The following SGCZ variants were observed in gnomAD, a reference collection of about 807,000 sequenced individuals.
SGCZ encodes the protein zeta-sarcoglycan.
A neutral mutation model predicts 41.3 loss-of-function variants in SGCZ; 40 were observed. The observed-to-expected ratio is 0.97, with a 90% CI of 0.75 to 1.26. The LOEUF (loss-of-function observed/expected upper bound fraction) is 1.26. Ranked by LOEUF, SGCZ falls within the 50% of genes most tolerant of loss-of-function variation. SGCZ has a pLI of 0.00. For missense variants in SGCZ, 552 were observed against 369.8 expected (o/e 1.49, Z -4.04); for synonymous variants, 206 against 137.5 (o/e 1.50, Z -3.49).
At chr8:14,502,538 A>T (rs1802183692) in intron 2 of SGCZ, among the ~76,000 whole-genome samples, 1 of 152,130 alleles carries the variant, frequency 6.6e-6, no homozygotes, top group African/African-American at 2.4e-5. Flanking sequence ...ATAGTGAGAA[A>T]ATTTTTGCGA....
intron 3 of SGCZ, among the ~76,000 whole-genome samples, chr8:14,261,267 T>C (rs534433588): frequency 6.6e-6 from 1 of 152,310 alleles, no homozygotes; most frequent in Admixed American, 6.5e-5. Context: ...AATATTTTAA[T>C]CATAATTTTT....
chr8:14,762,306 A>G (rs1799910200), intron 1 of SGCZ, among the ~76,000 whole-genome samples: 1 of 152,204 alleles, frequency 6.6e-6, no homozygotes. Flanking sequence ...TCTACAGAGT[A>G]GTCCATTACA....
rs1804594679 is a variant in SGCZ, at chr8:14,572,798, C to A, written c.40-17872G>T. ...TACTCAACAAGCTCCAAAAATTTAACACACTCAAAGTCCCACAAATGAATA... is the reference window on the plus strand; with the variant it reads ...TACTCAACAAGCTCCAAAAATTTAAAACACTCAAAGTCCCACAAATGAATA... On this transcript the variant is annotated intron_variant, in intron 1 of 7. Transcript: ENST00000382080. 1.3e-5 allele frequency among the ~76,000 whole-genome samples: 2 copies of A among 152,120 alleles called. 1 individual carries two copies. Among genetic ancestry groups the A allele is most frequent in the South Asian group, 4.1e-4 (2 of 4,828 alleles).
chr8:14,430,871 A>T (rs533124321), intron 2 of SGCZ, among the ~76,000 whole-genome samples: 1 of 152,262 alleles, frequency 6.6e-6, no homozygotes, highest in African/African-American at 2.4e-5. Context: ...ATTAATGTAC[A>T]CAAATCAGTA....
chr8:14,116,310 T>C (rs1265775930), intron 5 of SGCZ, among the ~76,000 whole-genome samples: 1 of 152,100 alleles, frequency 6.6e-6, no homozygotes, highest in Non-Finnish European at 1.5e-5. Context: ...TTTTTTAACA[T>C]AGTGTCTCAT....
chr8:14,673,738 A>T (rs1381593486), intron 1 of SGCZ, among the ~76,000 whole-genome samples: 1 of 152,218 alleles, frequency 6.6e-6, no homozygotes, highest in Non-Finnish European at 1.5e-5. Flanking sequence ...AAATTAATGT[A>T]CAGATGAACA....
At chr8:14,219,087 C>T (rs1279012667) in intron 4 of SGCZ, among the ~76,000 whole-genome samples, 1 of 152,206 alleles carries the variant, frequency 6.6e-6, no homozygotes, top group East Asian at 1.9e-4. Context: ...TTTTGAAGTG[C>T]CCTCTTACTC....
At chr8:14,134,426 G>A (rs140754437) in intron 5 of SGCZ, among the ~76,000 whole-genome samples, 37 of 152,274 alleles carry the variant, frequency 2.4e-4, no homozygotes, top group African/African-American at 8.4e-4. Flanking sequence ...TGACAGGTAT[G>A]AATGAAAGTG....
chr8:14,790,584 ATAAC>A (rs1463782742), intron 1 of SGCZ, among the ~76,000 whole-genome samples: 4 of 152,310 alleles, frequency 2.6e-5, no homozygotes, highest in South Asian at 2.1e-4. Flanking sequence ...CTACATATAA[ATAAC>A]TAAGAATTAA....
At chr8:15,092,141 G>C (rs1422141075) in intron 1 of SGCZ, among the ~76,000 whole-genome samples, 1 of 152,120 alleles carries the variant, frequency 6.6e-6, no homozygotes, top group East Asian at 1.9e-4. Flanking sequence ...TGAAAACGCT[G>C]GTCTTACAGT....
intron 2 of SGCZ, among the ~76,000 whole-genome samples, chr8:14,476,167 G>A (rs2116991319): frequency 6.6e-6 from 1 of 152,242 alleles, no homozygotes; most frequent in African/African-American, 2.4e-5. Flanking sequence ...CTATTTCTGG[G>A]AGTTTTTGTG....
chr8:14,618,136 T>A (rs1806166387), intron 1 of SGCZ, among the ~76,000 whole-genome samples: 1 of 152,118 alleles, frequency 6.6e-6, no homozygotes, highest in Non-Finnish European at 1.5e-5. Flanking sequence ...TTCTAGATAC[T>A]TAGAAAAACT....
chr8:14,421,400 A>T (rs1799633340), intron 2 of SGCZ, among the ~76,000 whole-genome samples: 1 of 152,170 alleles, frequency 6.6e-6, no homozygotes, highest in South Asian at 2.1e-4. Context: ...TGTAAAATGC[A>T]TGATATATTC....
chr8:14,408,774 T>A (rs1173464274), intron 2 of SGCZ, among the ~76,000 whole-genome samples: 1 of 152,222 alleles, frequency 6.6e-6, no homozygotes, highest in Non-Finnish European at 1.5e-5. Context: ...CTACATAGAA[T>A]TTAGGGTATT....
chr8:14,439,629 A>T (rs1800190585), intron 2 of SGCZ, among the ~76,000 whole-genome samples: 1 of 151,948 alleles, frequency 6.6e-6, no homozygotes, highest in Admixed American at 6.6e-5. Flanking sequence ...CTCCATATTA[A>T]AAAAATCAAT....
intron 1 of SGCZ, among the ~76,000 whole-genome samples, chr8:14,723,478 C>G (rs991655563): frequency 6.6e-6 from 1 of 152,076 alleles, no homozygotes; most frequent in African/African-American, 2.4e-5. Context: ...GAGAGGAGGC[C>G]TTAGCAGGCG....
At chr8:14,538,408 T>A (rs905579671) in intron 2 of SGCZ, among the ~76,000 whole-genome samples, 2 of 151,890 alleles carry the variant, frequency 1.3e-5, no homozygotes, top group African/African-American at 4.8e-5. Flanking sequence ...TTCAATATGA[T>A]GTAAATGAAG....
intron 1 of SGCZ, among the ~76,000 whole-genome samples, chr8:15,164,269 C>T (rs1255127026): frequency 6.6e-6 from 1 of 152,148 alleles, no homozygotes; most frequent in African/African-American, 2.4e-5. Flanking sequence ...GTTGCTTCTA[C>T]GCCTTTTCAA....
intron 1 of SGCZ, among the ~76,000 whole-genome samples, chr8:14,678,650 A>T (rs1031336326): frequency 9.9e-5 from 15 of 152,228 alleles, no homozygotes; most frequent in Admixed American, 9.8e-4. Context: ...AACTATATAA[A>T]TGCTTATCCT....
Sources: gnomAD v4.1 joint callset for allele counts (sites outside exome capture counted in the v4.1 genomes callset) on GRCh38, gnomAD v4.1.1 for gene constraint, MANE v1.5 for transcripts, NCBI Gene and HGNC (gene_info 2026-07-23, HGNC 2026-07-21) for gene names.